The following ATRIP variants were observed in gnomAD, a reference collection of about 807,000 sequenced individuals.
The protein encoded by ATRIP is ATR-interacting protein.
ATRIP carries 44 observed loss-of-function variants against 78.1 expected under a neutral mutation model. That is an observed-to-expected ratio of 0.56 (90% CI 0.44 to 0.72). The LOEUF is 0.72. Among genes scored for constraint, ATRIP ranks in the 30% least tolerant of loss-of-function variants. The probability of loss-of-function intolerance (pLI) is 0.00; values close to 1 mark genes in which losing one functional copy is unlikely to be tolerated. For missense variants in ATRIP, 927 were observed against 980.2 expected, an observed-to-expected ratio of 0.95 and a Z score of 0.72; for synonymous variants, 388 against 408.9, an observed-to-expected ratio of 0.95 and a Z score of 0.62.
At position 48,467,082 on chromosome 3, in the gene ATRIP, C is replaced by T; in HGVS notation, c.*1528C>T. 1 of 1,614,008 alleles carries T rather than the reference C, an allele frequency of 6.2e-7. No individual in the cohort carries two copies. Among genetic ancestry groups the T allele is most frequent in the Non-Finnish European group, 8.5e-7 (1 of 1,180,038 alleles). On this transcript the variant is annotated 3_prime_UTR_variant, in exon 13 of 13. Transcript: ENST00000320211. ...CCAAGCAGAGCTGGCTATGCTGGGC[C>T]TCACCAGTGCTCTGGATGGTGCCTT...
chr3:48,452,669 T>C (rs991766678), intron 3 of ATRIP, among the ~76,000 whole-genome samples: 2 of 151,968 alleles, frequency 1.3e-5, no homozygotes, highest in Non-Finnish European at 2.9e-5. Context: ...TACTCCAGCC[T>C]GGGCAATAGA....
intron 8 of ATRIP, 63 bp downstream of exon 8, chr3:48,460,862 C>G: frequency 7.0e-7 from 1 of 1,431,656 alleles, no homozygotes; most frequent in South Asian, 1.3e-5. Context: ...AAGGTCTAAC[C>G]CATGGCACTT....
At chr3:48,449,551 A>G (rs2039778934) in intron 1 of ATRIP, among the ~76,000 whole-genome samples, 1 of 151,706 alleles carries the variant, frequency 6.6e-6, no homozygotes, top group African/African-American at 2.4e-5. Context: ...TTGGGAGGCA[A>G]AGGCAGGAGG....
At position 48,464,959 on chromosome 3, in the gene ATRIP, C is replaced by T. The variant is rs757841589; in HGVS notation, c.2184C>T (p.His728=). Residue 728 remains histidine, a synonymous_variant, in exon 12 of 13, where the codon CAC becomes CAT. Coordinates refer to ENST00000320211, the MANE Select transcript of ATRIP (RefSeq NM_130384.3). ...RCLRDTVLLL[H]GLSQKDKLFM... Reference sequence around the variant, plus strand: ...TGCGGGACACGGTGCTGCTGCTGCACGGCCTATCGCAGAAGGACAAGCTCT... The same window carrying T: ...TGCGGGACACGGTGCTGCTGCTGCATGGCCTATCGCAGAAGGACAAGCTCT... The T allele has an allele frequency of 5.0e-6, 8 of 1,614,134 alleles. No individual in the cohort carries two copies. Among genetic ancestry groups the T allele is most frequent in the South Asian group, 3.3e-5 (3 of 91,084 alleles).
rs149418670 is a variant in ATRIP at position 48,459,165 on chromosome 3, T to C, written c.830-194T>C. The stretch of plus-strand genomic sequence containing the variant: ...TGAGGCAAACAGCTTGATTTTCTTT[T>C]CCTTTCCTTGTATGAGTTCCTGTTT... On this transcript the variant is annotated intron_variant, in intron 5 of 12. Transcript: ENST00000320211. Among the ~76,000 whole-genome samples the C allele has an allele frequency of 5.3e-3, 811 of 152,342 alleles. 8 individuals are homozygous for C. Among genetic ancestry groups the C allele is most frequent in the African/African-American group, 0.018 (759 of 41,574 alleles).
chr3:48,449,275 G>T (rs2039766690), intron 1 of ATRIP, among the ~76,000 whole-genome samples: 1 of 151,890 alleles, frequency 6.6e-6, no homozygotes, highest in Non-Finnish European at 1.5e-5. Context: ...TTAGCCGGGC[G>T]TGGTAGCACA....
chr3:48,458,371 G>A (rs1560105482), intron 5 of ATRIP, among the ~76,000 whole-genome samples: 6 of 151,120 alleles, frequency 4.0e-5, no homozygotes, highest in Admixed American at 1.3e-4. Flanking sequence ...TCACCAGGCT[G>A]GAGTGCAGTG....
chr3:48,447,663 G>T, intron 1 of ATRIP: 1 of 541,022 alleles, frequency 1.8e-6, no homozygotes, highest in Non-Finnish European at 2.4e-6. Flanking sequence ...GTTGAGGAGT[G>T]AGTGAAGTCT....
rs1342924296 is a variant in ATRIP, at chr3:48,459,271, G to T, written c.830-88G>T. ...TCCAAGTTCGAAGAAGTAGAACAGC[G>T]TGTGTTTTAAACTCATTGCATGTAA... On this transcript the variant is annotated intron_variant, in intron 5 of 12. Transcript: ENST00000320211. 5.6e-6 allele frequency: 6 copies of T among 1,078,246 alleles called. No homozygotes were observed. In the Admixed American group the frequency reaches 9.5e-5, roughly 17 times the overall value. The allele number at this position is 1,078,246 out of a possible 1,614,324, so 66.8% of individuals were successfully genotyped here.
Sources: allele counts gnomAD v4.1 joint callset (sites outside exome capture counted in the v4.1 genomes callset), GRCh38; gene constraint gnomAD v4.1.1; transcripts MANE v1.5; gene names NCBI Gene and HGNC (gene_info 2026-07-23, HGNC 2026-07-21).